The following KLHL29 variants were observed in gnomAD, a reference collection of about 807,000 sequenced individuals.
KLHL29 encodes kelch like family member 29.
A neutral mutation model predicts 80.4 loss-of-function variants in KLHL29; 21 were observed. The observed-to-expected ratio is 0.26, with a 90% CI of 0.19 to 0.38. KLHL29 has a LOEUF of 0.38. Among genes scored for constraint, KLHL29 ranks in the 10% least tolerant of loss-of-function variants. The probability of loss-of-function intolerance (pLI) is 1.00; values close to 1 mark genes in which losing one functional copy is unlikely to be tolerated. For synonymous variants in KLHL29, 511 were observed against 526.8 expected, an observed-to-expected ratio of 0.97 and a Z score of 0.41; for missense variants, 867 against 1,223.9, an observed-to-expected ratio of 0.71 and a Z score of 4.35.
intron 1 of KLHL29, among the ~76,000 whole-genome samples, chr2:23,431,866 T>C (rs1379168233): frequency 7.5e-6 from 1 of 133,912 alleles, no homozygotes; most frequent in Non-Finnish European, 1.5e-5. Context: ...TGCGCCACTG[T>C]ACTCCAGCCT....
chr2:23,461,622 G>A (rs1247268100), intron 1 of KLHL29, among the ~76,000 whole-genome samples: 1 of 151,152 alleles, frequency 6.6e-6, no homozygotes, highest in East Asian at 1.9e-4. Flanking sequence ...AAATGGACCC[G>A]GTATCCATAC....
intron 2 of KLHL29, among the ~76,000 whole-genome samples, chr2:23,556,559 A>G (rs1442548064): frequency 6.6e-6 from 1 of 151,846 alleles, no homozygotes; most frequent in Non-Finnish European, 1.5e-5. Context: ...AGGCTGAGGC[A>G]GGAGAATCGC....
chr2:23,426,764 C>G (rs1663015367), intron 1 of KLHL29, among the ~76,000 whole-genome samples: 2 of 152,172 alleles, frequency 1.3e-5, no homozygotes, highest in African/African-American at 4.8e-5. Flanking sequence ...GTTGCCAGCT[C>G]TTTCTGCCAA....
intron 5 of KLHL29, among the ~76,000 whole-genome samples, chr2:23,655,954 C>T (rs1572470729): frequency 6.6e-6 from 1 of 152,312 alleles, no homozygotes; most frequent in South Asian, 2.1e-4. Flanking sequence ...CAGTCTCAGA[C>T]TCCTCCCAGT....
At chr2:23,518,107 G>A (rs963464137) in intron 2 of KLHL29, among the ~76,000 whole-genome samples, 7 of 152,170 alleles carry the variant, frequency 4.6e-5, no homozygotes, top group Non-Finnish European at 8.8e-5. Context: ...GTAACCCCCT[G>A]AATTATCCTT....
chr2:23,468,311 G>A lies in KLHL29; in HGVS notation c.-153-7249G>A, dbSNP rs545354771. On this transcript the variant is annotated intron_variant, in intron 1 of 13. Coordinates refer to ENST00000486442, the MANE Select transcript of KLHL29 (RefSeq NM_052920.2). Reference sequence around the variant, plus strand: ...AGCCAGCCTCTGAACTGGTGTCTCCGAGACTAGGATGGAAACCCAAAATGA... The same window carrying A: ...AGCCAGCCTCTGAACTGGTGTCTCCAAGACTAGGATGGAAACCCAAAATGA... Among the ~76,000 whole-genome samples the A allele has an allele frequency of 4.6e-5, 7 of 152,256 alleles. No homozygotes were observed. The South Asian group carries it at 8.3e-4, about 18-fold the overall frequency.
intron 3 of KLHL29, among the ~76,000 whole-genome samples, chr2:23,609,311 G>T (rs960962965): frequency 6.6e-6 from 1 of 152,164 alleles, no homozygotes; most frequent in Non-Finnish European, 1.5e-5. Context: ...AGCTCCAGGA[G>T]AAAGTGTGGG....
intron 3 of KLHL29, among the ~76,000 whole-genome samples, chr2:23,602,089 C>T (rs1436035835): frequency 6.6e-6 from 1 of 152,154 alleles, no homozygotes; most frequent in African/African-American, 2.4e-5. Flanking sequence ...CAAGGGTCCC[C>T]CAGTGCATCC....
chr2:23,610,836 A>G (rs1668839879), intron 3 of KLHL29, among the ~76,000 whole-genome samples: 1 of 152,250 alleles, frequency 6.6e-6, no homozygotes, highest in South Asian at 2.1e-4. Flanking sequence ...TTGGATAAAT[A>G]TTTGCAGCAG....
chr2:23,657,210 T>C (rs1364402885), intron 5 of KLHL29, among the ~76,000 whole-genome samples: 1 of 152,150 alleles, frequency 6.6e-6, no homozygotes, highest in African/African-American at 2.4e-5. Flanking sequence ...TTTGCAAATT[T>C]TCAGTGGCAT....
chr2:23,443,592 T>C (rs1175331378), intron 1 of KLHL29, among the ~76,000 whole-genome samples: 1 of 152,242 alleles, frequency 6.6e-6, no homozygotes, highest in Non-Finnish European at 1.5e-5. Context: ...CTTGCAGTGC[T>C]GTCTAACTTA....
In KLHL29 at chr2:23,457,992, G is replaced by A. The variant is rs1490561986; in HGVS notation, c.-153-17568G>A. Among the ~76,000 whole-genome samples, 2 of 152,062 alleles carry A rather than the reference G, an allele frequency of 1.3e-5. No homozygotes were observed. Among genetic ancestry groups the A allele is most frequent in the African/African-American group, 2.4e-5 (1 of 41,398 alleles). ...CACGCCACTGCACTCCAGCCTGGGCGACAGAGCGAGACTCTGTCTCAAAAA... is the reference window on the plus strand; with the variant it reads ...CACGCCACTGCACTCCAGCCTGGGCAACAGAGCGAGACTCTGTCTCAAAAA... On this transcript the variant is annotated intron_variant, in intron 1 of 13. Transcript: ENST00000486442. This position sits in a 1 kb window ranked among gnomAD's most constrained non-coding sequence, Gnocchi z 4.3.
At chr2:23,656,171 G>A (rs540729667) in intron 5 of KLHL29, among the ~76,000 whole-genome samples, 3 of 152,340 alleles carry the variant, frequency 2.0e-5, no homozygotes, top group South Asian at 2.1e-4. Context: ...AGTCAGCGTC[G>A]ACTTCAGGGA....
Position 23,596,639 on chromosome 2 carries a change from C to T in KLHL29, c.285+34158C>T. ...CATGTCTGGGGACGTATGCTGCCAT[C>T]GTGGGAATGTGCCTCTTTAGCACGC... On this transcript the variant is annotated intron_variant, in intron 3 of 13. Transcript: ENST00000486442. This position sits in a 1 kb window ranked among gnomAD's most constrained non-coding sequence, Gnocchi z 4.4. Among the ~76,000 whole-genome samples the T allele has an allele frequency of 6.6e-6, 1 of 152,188 alleles. No individual in the cohort carries two copies. The highest frequency in any genetic ancestry group is 1.9e-4 in the East Asian group (1 of 5,190).
At chr2:23,627,373 G>T (rs1244019508) in intron 3 of KLHL29, among the ~76,000 whole-genome samples, 1 of 152,244 alleles carries the variant, frequency 6.6e-6, no homozygotes, top group African/African-American at 2.4e-5. Context: ...CAGGCACAAA[G>T]CAGCCAGCGC....
chr2:23,619,409 G>A (rs1467624580), intron 3 of KLHL29, among the ~76,000 whole-genome samples: 1 of 152,114 alleles, frequency 6.6e-6, no homozygotes, highest in Admixed American at 6.6e-5. Flanking sequence ...TTGGAGAGTG[G>A]GGAGAAATGG....
chr2:23,497,907 CAGAG>C (rs1665317242), intron 2 of KLHL29, among the ~76,000 whole-genome samples: 2 of 152,160 alleles, frequency 1.3e-5, no homozygotes, highest in Admixed American at 6.5e-5. Flanking sequence ...TTCAAGGAGA[CAGAG>C]ATCTGTCTGG....
intron 2 of KLHL29, among the ~76,000 whole-genome samples, chr2:23,478,736 C>T (rs902735900): frequency 1.3e-5 from 2 of 152,128 alleles, no homozygotes; most frequent in Admixed American, 1.3e-4. Flanking sequence ...GGGCAGCATC[C>T]CCTGCCTCCA....
intron 2 of KLHL29, among the ~76,000 whole-genome samples, chr2:23,500,028 T>C (rs1265847787): frequency 1.3e-5 from 2 of 152,196 alleles, no homozygotes; most frequent in Non-Finnish European, 2.9e-5. Context: ...CCTGTAAATA[T>C]GTATTGGTAC....
Sources: allele counts gnomAD v4.1 joint callset (sites outside exome capture counted in the v4.1 genomes callset), GRCh38; gene constraint gnomAD v4.1.1; non-coding constraint Gnocchi (gnomAD v3.1); transcripts MANE v1.5; gene names NCBI Gene and HGNC (gene_info 2026-07-23, HGNC 2026-07-21).